BLTP1: variants seen among roughly 807,000 people sequenced by gnomAD.
BLTP1 encodes fragile site-associated protein.
the BLTP1 span, among the ~76,000 whole-genome samples, chr4:122,329,253 A>G: frequency 6.6e-6 from 1 of 151,642 alleles, no homozygotes; most frequent in Non-Finnish European, 1.5e-5. Flanking sequence ...TTCTAGTCTA[A>G]TATGTATTTC....
At chr4:122,229,003 A>G in the BLTP1 span, 1 of 872,812 alleles carries the variant, frequency 1.1e-6, no homozygotes, top group East Asian at 2.9e-5. Flanking sequence ...AATTAGACTG[A>G]TTTTTAAAAA....
chr4:122,153,421 A>T, the BLTP1 span, among the ~76,000 whole-genome samples: 1 of 152,204 alleles, frequency 6.6e-6, no homozygotes, highest in Non-Finnish European at 1.5e-5. Context: ...ACATATAATT[A>T]TGTGCATATA....
chr4:122,357,465 G>A, the BLTP1 span, among the ~76,000 whole-genome samples: 3 of 151,656 alleles, frequency 2.0e-5, no homozygotes, highest in Admixed American at 1.3e-4. Context: ...TCGGGAGGCT[G>A]TGAGGTGGGA....
the BLTP1 span, chr4:122,170,891 G>T: frequency 1.8e-6 from 1 of 558,744 alleles, no homozygotes; most frequent in East Asian, 3.4e-5. Context: ...TATATTTCTT[G>T]AACATTTGTT....
the BLTP1 span, among the ~76,000 whole-genome samples, chr4:122,176,750 T>C: frequency 1.3e-5 from 2 of 152,172 alleles, no homozygotes; most frequent in Non-Finnish European, 2.9e-5. Flanking sequence ...AAAACAAATA[T>C]TTAGAAGATG....
At chr4:122,292,253 C>T in the BLTP1 span, 1 of 683,390 alleles carries the variant, frequency 1.5e-6, no homozygotes, top group Non-Finnish European at 1.8e-6. Context: ...CAGGCGTGAG[C>T]CACTGTGCCC....
the BLTP1 span, chr4:122,261,854 C>T: frequency 1.0e-6 from 1 of 985,396 alleles, no homozygotes; most frequent in Non-Finnish European, 1.2e-6. Context: ...CAACACCCTT[C>T]CTCCACCTTT....
the BLTP1 span, chr4:122,298,527 T>C: frequency 3.1e-6 from 1 of 322,898 alleles, no homozygotes; most frequent in African/African-American, 2.2e-5. Flanking sequence ...TTAGAAAATA[T>C]AAAAGAAGAT....
the BLTP1 span, among the ~76,000 whole-genome samples, chr4:122,216,522 G>C: frequency 6.6e-6 from 1 of 152,066 alleles, no homozygotes; most frequent in Admixed American, 6.6e-5. Flanking sequence ...TAGTGATGTT[G>C]AACATTTTTC....
chr4:122,209,156 TA>T, the BLTP1 span: 1 of 1,598,412 alleles, frequency 6.3e-7, no homozygotes, highest in African/African-American at 1.4e-5. Flanking sequence ...AATTATTTTT[TA>T]GGGAGAAGAT....
the BLTP1 span, chr4:122,316,840 G>T: frequency 6.2e-7 from 1 of 1,605,562 alleles, no homozygotes; most frequent in Non-Finnish European, 8.5e-7. Flanking sequence ...GAATGAACAG[G>T]CCAAAGTAAT....
At chr4:122,203,566 G>A in the BLTP1 span, among the ~76,000 whole-genome samples, 1 of 151,750 alleles carries the variant, frequency 6.6e-6, no homozygotes, top group Non-Finnish European at 1.5e-5. Context: ...GCAGTCATCA[G>A]GAAAGTGCTT....
chr4:122,246,656 A>T, the BLTP1 span: 10 of 1,593,530 alleles, frequency 6.3e-6, no homozygotes, highest in African/African-American at 1.3e-4. Flanking sequence ...TTCACTTGTC[A>T]GTTCTGAAAT....
the BLTP1 span, chr4:122,315,480 C>T: frequency 3.1e-6 from 5 of 1,613,882 alleles, no homozygotes; most frequent in African/African-American, 6.7e-5. Flanking sequence ...AGTGCTGGAA[C>T]CTGGACACTC....
At chr4:122,254,130 G>A in the BLTP1 span, 1 of 1,472,852 alleles carries the variant, frequency 6.8e-7, no homozygotes, top group Non-Finnish European at 9.3e-7. Context: ...TAAAACATTA[G>A]CCTCTGTGTT....
At chr4:122,226,256 A>G in the BLTP1 span, 3 of 242,222 alleles carry the variant, frequency 1.2e-5, no homozygotes, top group Non-Finnish European at 2.0e-5. Flanking sequence ...ACATAAACAA[A>G]AGTGCTTTAA....
chr4:122,213,205 A>T, the BLTP1 span, among the ~76,000 whole-genome samples: 12 of 152,070 alleles, frequency 7.9e-5, no homozygotes, highest in East Asian at 5.8e-4. Flanking sequence ...TCTAATTTTT[A>T]AAAAATTATT....
At chr4:122,239,774 A>T in the BLTP1 span, 2 of 1,614,200 alleles carry the variant, frequency 1.2e-6, no homozygotes, top group Non-Finnish European at 1.7e-6. Flanking sequence ...GTTTTGGTTC[A>T]TTCCCATATA....
chr4:122,268,640 C>T, the BLTP1 span, among the ~76,000 whole-genome samples: 6 of 152,272 alleles, frequency 3.9e-5, no homozygotes, highest in East Asian at 1.2e-3. Context: ...TTCAATTGAT[C>T]TTCCCTACCA....
Sources: allele counts gnomAD v4.1 joint callset (sites outside exome capture counted in the v4.1 genomes callset), GRCh38; gene constraint gnomAD v4.1.1; transcripts MANE v1.5; gene names NCBI Gene and HGNC (gene_info 2026-07-23, HGNC 2026-07-21).